CLEC16A: variants seen among roughly 807,000 people sequenced by gnomAD.
The protein encoded by CLEC16A is protein CLEC16A.
Under a neutral mutation model 109.5 loss-of-function variants are expected in CLEC16A, and 51 were observed. The ratio of observed to expected loss-of-function variants is 0.47; its 90% CI spans 0.37 to 0.59. The LOEUF (loss-of-function observed/expected upper bound fraction) is 0.59, where lower values mean the gene tolerates loss of function less well. Ranked by LOEUF, CLEC16A falls within the 20% of genes least tolerant of loss-of-function variation. The pLI is 0.00. For synonymous variants in CLEC16A, 673 were observed against 564.2 expected, an observed-to-expected ratio of 1.19 and a Z score of -2.73; for missense variants, 1,339 against 1,394.0, an observed-to-expected ratio of 0.96 and a Z score of 0.63.
chr16:11,002,890 G>A (rs1046484983), intron 10 of CLEC16A, among the ~76,000 whole-genome samples, 184 bp from the exon 11 acceptor site: 3 of 152,060 alleles, frequency 2.0e-5, no homozygotes, highest in African/African-American at 7.3e-5. Flanking sequence ...GGACACTTAG[G>A]CCGATTCCAT....
intron 20 of CLEC16A, among the ~76,000 whole-genome samples, chr16:11,121,677 C>G (rs553181869): frequency 6.6e-6 from 1 of 151,236 alleles, no homozygotes; most frequent in Non-Finnish European, 1.5e-5. Flanking sequence ...GTCAGGAGTT[C>G]GAGACCAGCC....
At chr16:11,132,603 A>G (rs547744283) in intron 22 of CLEC16A, among the ~76,000 whole-genome samples, 79 of 152,282 alleles carry the variant, frequency 5.2e-4, no homozygotes, top group African/African-American at 1.4e-3. Flanking sequence ...AGGTCATGTG[A>G]CAATCTAACT....
intron 22 of CLEC16A, among the ~76,000 whole-genome samples, chr16:11,144,605 C>T (rs1340330903): frequency 1.3e-5 from 2 of 152,342 alleles, no homozygotes; most frequent in Admixed American, 6.5e-5. Flanking sequence ...TTGAGGCCCA[C>T]GCCTGAGCCA....
chr16:11,028,298 G>A (rs1026112291), intron 13 of CLEC16A, among the ~76,000 whole-genome samples: 4 of 152,268 alleles, frequency 2.6e-5, no homozygotes, highest in East Asian at 1.9e-4. Flanking sequence ...TGGGTGCTGC[G>A]TCGTCTGAAA....
intron 14 of CLEC16A, 188 bp from the exon 15 acceptor site, chr16:11,042,066 A>C: frequency 1.8e-6 from 1 of 566,682 alleles, no homozygotes; most frequent in Non-Finnish European, 3.2e-6. Context: ...GATGGAGAAC[A>C]TTGAATTCTA....
rs1472221287 is a variant in CLEC16A at position 11,155,983 on chromosome 16, T to G, written c.2642-10405T>G. On this transcript the variant is annotated intron_variant, in intron 22 of 23. Transcript: ENST00000409790. ...ACGGAGCAGGCCAAACATGTCAGTGTAGGATACACACTGTACGGCCTCCCT... is the reference window on the plus strand; with the variant it reads ...ACGGAGCAGGCCAAACATGTCAGTGGAGGATACACACTGTACGGCCTCCCT... Among the ~76,000 whole-genome samples the G allele has an allele frequency of 3.3e-5, 5 of 152,260 alleles. No individual in the cohort carries two copies. In the East Asian group the frequency reaches 9.6e-4, roughly 29 times the overall value.
At chr16:11,115,727 T>A (rs2051939087) in intron 19 of CLEC16A, among the ~76,000 whole-genome samples, 1 of 152,138 alleles carries the variant, frequency 6.6e-6, no homozygotes, top group Non-Finnish European at 1.5e-5. Context: ...AGAAAATGTT[T>A]ATAAGAATGA....
intron 19 of CLEC16A, among the ~76,000 whole-genome samples, chr16:11,119,183 G>GT (rs1168288661): frequency 6.6e-6 from 1 of 151,912 alleles, no homozygotes; most frequent in East Asian, 1.9e-4. Context: ...TTATTTTTTG[G>GT]TAGAGACAGT....
chr16:10,967,194 G>A (rs531386855), intron 3 of CLEC16A, among the ~76,000 whole-genome samples: 14 of 152,246 alleles, frequency 9.2e-5, no homozygotes, highest in African/African-American at 2.9e-4. Context: ...GGAGGACCAC[G>A]CCACAGGCCC....
intron 7 of CLEC16A, among the ~76,000 whole-genome samples, chr16:10,974,267 A>G (rs2146451806): frequency 6.6e-6 from 1 of 152,196 alleles, no homozygotes; most frequent in East Asian, 1.9e-4. Context: ...TCAGGCAACT[A>G]TGTGACTCTA....
chr16:11,054,956 A>G (rs1290549841), intron 18 of CLEC16A, among the ~76,000 whole-genome samples: 1 of 148,020 alleles, frequency 6.8e-6, no homozygotes, highest in Admixed American at 6.7e-5. Context: ...TTTTCCACCA[A>G]GTAGACTTTT....
intron 19 of CLEC16A, among the ~76,000 whole-genome samples, chr16:11,087,384 G>A (rs1597342785): frequency 2.0e-5 from 3 of 152,358 alleles, no homozygotes; most frequent in African/African-American, 2.4e-5. Context: ...TGGACTTTTC[G>A]TCCTACAGCA....
intron 18 of CLEC16A, among the ~76,000 whole-genome samples, chr16:11,052,923 G>A (rs562915713): frequency 1.3e-5 from 2 of 152,002 alleles, no homozygotes; most frequent in African/African-American, 2.4e-5. Flanking sequence ...GGAGGCTGCA[G>A]TGAGCTGTGA....
intron 10 of CLEC16A, among the ~76,000 whole-genome samples, chr16:10,995,590 G>A (rs2152734594): frequency 6.6e-6 from 1 of 152,332 alleles, no homozygotes; most frequent in African/African-American, 2.4e-5. Flanking sequence ...CCAGGGGGTT[G>A]AAGGGCAATG....
chr16:10,978,126 G>A (rs574903294), intron 8 of CLEC16A, among the ~76,000 whole-genome samples: 1 of 152,308 alleles, frequency 6.6e-6, no homozygotes, highest in East Asian at 1.9e-4. Flanking sequence ...CTCAGGGAAC[G>A]GTCCCAGGGT....
chr16:10,963,708 C>A (rs2042365448), intron 3 of CLEC16A, among the ~76,000 whole-genome samples: 1 of 152,192 alleles, frequency 6.6e-6, no homozygotes, highest in South Asian at 2.1e-4. Flanking sequence ...GCCATCAGTG[C>A]TTTCATTTTA....
At position 11,118,976 on chromosome 16, in the gene CLEC16A, A is replaced by C. The variant is rs997155530; in HGVS notation, c.2117-1639A>C. 2.0e-5 allele frequency among the ~76,000 whole-genome samples: 3 copies of C among 152,046 alleles called. No individual in the cohort carries two copies. The East Asian group carries it at 5.8e-4, about 29-fold the overall frequency. ...ATGTGGCTTTATTTCTGGGCTCTCT[A>C]TTCTGTTCTGTTGGTCCATGTGTTT... is the stretch of plus-strand genomic sequence containing the variant. On this transcript the variant is annotated intron_variant, in intron 19 of 23. Coordinates refer to ENST00000409790, the MANE Select transcript of CLEC16A (RefSeq NM_015226.3).
chr16:10,986,523 C>G (rs911066969), intron 10 of CLEC16A, among the ~76,000 whole-genome samples: 2 of 152,158 alleles, frequency 1.3e-5, no homozygotes, highest in African/African-American at 2.4e-5. Context: ...ATGACTGATA[C>G]TTCATACCCA....
chr16:11,125,610 C>T (rs924338044), intron 21 of CLEC16A, among the ~76,000 whole-genome samples: 2 of 152,236 alleles, frequency 1.3e-5, no homozygotes, highest in African/African-American at 4.8e-5. Flanking sequence ...TCTGGGCAGA[C>T]TCGGCCCCAC....
Sources: gnomAD v4.1 joint callset for allele counts (sites outside exome capture counted in the v4.1 genomes callset) on GRCh38, gnomAD v4.1.1 for gene constraint, MANE v1.5 for transcripts, NCBI Gene and HGNC (gene_info 2026-07-23, HGNC 2026-07-21) for gene names.